PIK3C2G: variants seen among roughly 807,000 people sequenced by gnomAD.
PIK3C2G encodes the protein phosphatidylinositol 3-kinase C2 domain-containing subunit gamma.
PIK3C2G carries 168 observed loss-of-function variants against 181.1 expected under a neutral mutation model. The observed-to-expected ratio is 0.93, with a 90% CI of 0.82 to 1.05. The LOEUF is 1.05. PIK3C2G is among the 50% of genes least tolerant of loss of function. The pLI, the probability that PIK3C2G is intolerant of heterozygous loss-of-function variation, is 0.00. For synonymous variants in PIK3C2G, 573 were observed against 592.2 expected, an observed-to-expected ratio of 0.97 and a Z score of 0.47; for missense variants, 1,869 against 1,732.8, an observed-to-expected ratio of 1.08 and a Z score of -1.40.
chr12:18,342,080 G>A (rs942737009), intron 9 of PIK3C2G, among the ~76,000 whole-genome samples: 4 of 151,968 alleles, frequency 2.6e-5, no homozygotes, highest in African/African-American at 9.7e-5. Flanking sequence ...TGAAAATATG[G>A]TCTTGCACAT....
At chr12:18,425,813 A>G (rs1330080222) in intron 18 of PIK3C2G, among the ~76,000 whole-genome samples, 1 of 152,234 alleles carries the variant, frequency 6.6e-6, no homozygotes, top group Non-Finnish European at 1.5e-5. Context: ...ATACCATGTG[A>G]CTGAATGATT....
intron 14 of PIK3C2G, among the ~76,000 whole-genome samples, chr12:18,387,972 C>A (rs796101884): frequency 7.2e-5 from 11 of 152,356 alleles, no homozygotes; most frequent in African/African-American, 2.6e-4. Flanking sequence ...ACCTTACTCA[C>A]TCATTCGAAG....
Position 18,505,317 on chromosome 12 carries a change from G to C in PIK3C2G, c.3179G>C (p.Cys1060Ser). ...GCCTTGAGGAACTTTTTCTACTCCT[G>C]TGCTGGCTGGTGTGTGGTAACATTC... Reference protein sequence around the residue: ...EKALRNFFYSCAGWCVVTFIL... With the variant: ...EKALRNFFYSSAGWCVVTFIL... The change falls in exon 24 of 33, where the codon TGT (cysteine) becomes TCT (serine). Residue 1060 changes from cysteine to serine, a missense_variant. Physicochemically the swap from Cys to Ser is moderately radical, Grantham distance 112. Coordinates refer to ENST00000538779, the MANE Select transcript of PIK3C2G (RefSeq NM_001288772.2). 1.2e-6 allele frequency: 2 copies of C among 1,609,038 alleles called. No individual in the cohort carries two copies. The highest frequency in any genetic ancestry group is 1.7e-6 in the Non-Finnish European group (2 of 1,177,250).
intron 5 of PIK3C2G, among the ~76,000 whole-genome samples, chr12:18,301,544 C>T (rs947438236): frequency 2.0e-4 from 31 of 151,782 alleles, no homozygotes; most frequent in African/African-American, 7.0e-4. Context: ...TCTTTTGTTC[C>T]AGAATTTTTG....
intron 22 of PIK3C2G, among the ~76,000 whole-genome samples, chr12:18,500,531 C>T (rs1184326249): frequency 2.0e-5 from 3 of 152,286 alleles, no homozygotes; most frequent in African/African-American, 4.8e-5. Flanking sequence ...GGAGTGTGGG[C>T]GCACGGCGCA....
chr12:18,275,230 C>T (rs140788829), intron 1 of PIK3C2G, among the ~76,000 whole-genome samples: 2 of 152,240 alleles, frequency 1.3e-5, no homozygotes, highest in Non-Finnish European at 1.5e-5. Flanking sequence ...TGACAATTTT[C>T]CTTCCCAAAA....
At chr12:18,673,504 A>G in the PIK3C2G span, among the ~76,000 whole-genome samples, 1 of 152,206 alleles carries the variant, frequency 6.6e-6, no homozygotes, top group Non-Finnish European at 1.5e-5. Flanking sequence ...CAAACGAACA[A>G]GGCTAGAGAA....
intron 5 of PIK3C2G, among the ~76,000 whole-genome samples, chr12:18,312,487 G>C (rs1232028192): frequency 1.3e-5 from 2 of 152,106 alleles, no homozygotes; most frequent in African/African-American, 4.8e-5. Flanking sequence ...ATGGAAAAAA[G>C]AGTTGAGTAG....
intron 25 of PIK3C2G, among the ~76,000 whole-genome samples, chr12:18,544,529 G>C (rs1169537642): frequency 6.6e-6 from 1 of 151,798 alleles, no homozygotes; most frequent in Non-Finnish European, 1.5e-5. Flanking sequence ...AAAGGGGGAT[G>C]AATACAAGAG....
At chr12:18,255,958 ATTAC>A (rs150908849) in intron 1 of PIK3C2G, among the ~76,000 whole-genome samples, 66,234 of 151,468 alleles carry the variant, frequency 0.44, 14,845 homozygotes, top group East Asian at 0.74. Context: ...ATTGTCCCTT[ATTAC>A]TTATGGTTCC....
chr12:18,712,641 A>G, the PIK3C2G span, among the ~76,000 whole-genome samples: 5 of 152,152 alleles, frequency 3.3e-5, no homozygotes, highest in African/African-American at 7.2e-5. Flanking sequence ...ATGAAACACT[A>G]TGTACCTTAC....
the PIK3C2G span, among the ~76,000 whole-genome samples, chr12:18,667,223 C>T: frequency 6.6e-5 from 10 of 152,230 alleles, no homozygotes; most frequent in South Asian, 2.1e-4. Flanking sequence ...AGTTCAAATA[C>T]GTAAGTGAAT....
intron 11 of PIK3C2G, among the ~76,000 whole-genome samples, chr12:18,348,300 A>G (rs896891384): frequency 2.6e-5 from 4 of 151,922 alleles, no homozygotes; most frequent in African/African-American, 9.7e-5. Flanking sequence ...TGTAAAATGC[A>G]TATGAATATA....
intron 14 of PIK3C2G, among the ~76,000 whole-genome samples, chr12:18,382,667 C>G (rs1942919713): frequency 6.6e-6 from 1 of 152,136 alleles, no homozygotes; most frequent in Non-Finnish European, 1.5e-5. Flanking sequence ...GGATGTTTAG[C>G]AACATCCCCG....
chr12:18,613,710 C>T (rs946353884), intron 31 of PIK3C2G, among the ~76,000 whole-genome samples: 1 of 152,120 alleles, frequency 6.6e-6, no homozygotes, highest in East Asian at 1.9e-4. Context: ...TTCCTCTCTC[C>T]TGCTGCATAA....
intron 31 of PIK3C2G, among the ~76,000 whole-genome samples, chr12:18,634,117 C>G (rs985041307): frequency 2.6e-5 from 4 of 152,124 alleles, no homozygotes; most frequent in African/African-American, 9.7e-5. Context: ...CTTCAAAGGC[C>G]ATTTCATCGT....
intron 29 of PIK3C2G, among the ~76,000 whole-genome samples, chr12:18,582,443 C>T (rs1041699959): frequency 9.2e-5 from 14 of 152,216 alleles, no homozygotes; most frequent in Admixed American, 2.6e-4. Flanking sequence ...GACTGAGCTA[C>T]GTAGAATCTT....
At chr12:18,614,631 A>G (rs1252034705) in intron 31 of PIK3C2G, among the ~76,000 whole-genome samples, 1 of 152,130 alleles carries the variant, frequency 6.6e-6, no homozygotes, top group African/African-American at 2.4e-5. Context: ...TAGCTCTTAA[A>G]TGTGAAGATT....
At chr12:18,383,397 C>T (rs987773992) in intron 14 of PIK3C2G, among the ~76,000 whole-genome samples, 24 of 151,944 alleles carry the variant, frequency 1.6e-4, no homozygotes, top group Admixed American at 1.4e-3. Context: ...ACTAACACAG[C>T]GAGAATAGCA....
Sources: gnomAD v4.1 joint callset for allele counts (sites outside exome capture counted in the v4.1 genomes callset) on GRCh38, gnomAD v4.1.1 for gene constraint, MANE v1.5 for transcripts, NCBI Gene and HGNC (gene_info 2026-07-23, HGNC 2026-07-21) for gene names.